The following NRXN3 variants were observed in gnomAD, a reference collection of about 807,000 sequenced individuals.
The protein encoded by NRXN3 is neurexin III.
Under a neutral mutation model 137.6 loss-of-function variants are expected in NRXN3, and 32 were observed. That is an observed-to-expected ratio of 0.23 (90% confidence interval 0.18 to 0.31). The LOEUF (loss-of-function observed/expected upper bound fraction) is 0.31, where lower values mean the gene tolerates loss of function less well. Among genes scored for constraint, NRXN3 ranks in the 10% least tolerant of loss-of-function variants. The pLI, the probability that NRXN3 is intolerant of heterozygous loss-of-function variation, is 1.00. For synonymous variants in NRXN3, 798 were observed against 784.5 expected, an observed-to-expected ratio of 1.02 and a Z score of -0.29; for missense variants, 1,574 against 2,062.5, an observed-to-expected ratio of 0.76 and a Z score of 4.59.
At chr14:79,733,755 C>T (rs144764538) in intron 19 of NRXN3, among the ~76,000 whole-genome samples, 34 of 151,620 alleles carry the variant, frequency 2.2e-4, no homozygotes, top group Non-Finnish European at 4.4e-4. Context: ...AGAGAAGACA[C>T]CACTGTATCA....
intron 4 of NRXN3, among the ~76,000 whole-genome samples, chr14:78,520,299 T>C (rs2096267882): frequency 6.6e-6 from 1 of 152,222 alleles, no homozygotes; most frequent in Admixed American, 6.5e-5. Context: ...ACAGATATTG[T>C]CAGTGAAGTC....
At chr14:79,082,449 G>A (rs1381883422) in intron 15 of NRXN3, among the ~76,000 whole-genome samples, 1 of 150,296 alleles carries the variant, frequency 6.7e-6, no homozygotes, top group Non-Finnish European at 1.5e-5. Context: ...GGTGAGGATG[G>A]CACAGGGGCT....
At chr14:79,177,400 T>G (rs988769160) in intron 15 of NRXN3, among the ~76,000 whole-genome samples, 8 of 152,178 alleles carry the variant, frequency 5.3e-5, no homozygotes, top group Non-Finnish European at 8.8e-5. Context: ...CATCAGAACT[T>G]TTATCAGCCC....
intron 15 of NRXN3, among the ~76,000 whole-genome samples, chr14:79,303,589 CT>C (rs1167965365): frequency 6.6e-6 from 1 of 151,986 alleles, no homozygotes; most frequent in Non-Finnish European, 1.5e-5. Flanking sequence ...GAAAGCCACC[CT>C]CTTGTGATCA....
chr14:78,963,969 A>G (rs2099412884), intron 11 of NRXN3, among the ~76,000 whole-genome samples: 1 of 151,700 alleles, frequency 6.6e-6, no homozygotes, highest in East Asian at 1.9e-4. Context: ...GGGTCTTGCT[A>G]TATTGCCCAG....
chr14:78,308,981 A>G (rs1377599303), intron 4 of NRXN3, among the ~76,000 whole-genome samples: 1 of 152,150 alleles, frequency 6.6e-6, no homozygotes, highest in Admixed American at 6.6e-5. Flanking sequence ...TTTGTGGTCC[A>G]GTATTTTACC....
intron 16 of NRXN3, among the ~76,000 whole-genome samples, chr14:79,504,229 T>C (rs2096851391): frequency 6.6e-6 from 1 of 152,226 alleles, no homozygotes; most frequent in South Asian, 2.1e-4. Context: ...TTCATCTCAA[T>C]GCTCCTTACT....
chr14:78,578,792 C>A (rs938105039), intron 4 of NRXN3, among the ~76,000 whole-genome samples: 1 of 152,032 alleles, frequency 6.6e-6, no homozygotes, highest in African/African-American at 2.4e-5. Context: ...GAGAAATGAA[C>A]GTGAACTAGT....
chr14:79,302,496 TC>T (rs2085312303), intron 15 of NRXN3, among the ~76,000 whole-genome samples: 1 of 151,804 alleles, frequency 6.6e-6, no homozygotes, highest in Non-Finnish European at 1.5e-5. Context: ...TTTTTAACAA[TC>T]AGATCTCATG....
chr14:78,917,073 G>T (rs2099257171), intron 10 of NRXN3, among the ~76,000 whole-genome samples: 1 of 152,128 alleles, frequency 6.6e-6, no homozygotes, highest in African/African-American at 2.4e-5. Flanking sequence ...TGTGGTATTG[G>T]GGTTTAGATT....
Position 79,127,645 on chromosome 14 carries a change from A to C in NRXN3, c.3262+139504A>C, listed in dbSNP as rs539904752. 1.5e-3 allele frequency among the ~76,000 whole-genome samples: 226 copies of C among 152,102 alleles called. 2 individuals carry two copies. The highest frequency in any genetic ancestry group is 5.3e-3 in the African/African-American group (219 of 41,528). ...GCTTTGTTCTTTTGGCTTAGGATTG[A>C]CTTGGCGATGCAGGCTCTTTTTTGG... On this transcript the variant is annotated intron_variant, in intron 15 of 20. Coordinates refer to ENST00000335750, the MANE Select transcript of NRXN3 (RefSeq NM_001330195.2).
At chr14:78,273,333 C>T (rs1049082686) in intron 2 of NRXN3, among the ~76,000 whole-genome samples, 5 of 152,186 alleles carry the variant, frequency 3.3e-5, no homozygotes, top group African/African-American at 7.2e-5. Flanking sequence ...CCTACCTCAT[C>T]GGGTTGTTGT....
At chr14:79,855,518 A>G (rs2099400656) in intron 20 of NRXN3, among the ~76,000 whole-genome samples, 1 of 152,166 alleles carries the variant, frequency 6.6e-6, no homozygotes, top group Non-Finnish European at 1.5e-5. Flanking sequence ...GCATTAAAAT[A>G]TTTTCTTTCT....
intron 10 of NRXN3, among the ~76,000 whole-genome samples, chr14:78,929,533 G>A (rs369912372): frequency 6.6e-6 from 1 of 152,132 alleles, no homozygotes; most frequent in Non-Finnish European, 1.5e-5. Context: ...TAAAGGACAC[G>A]ATCTCATTCT....
intron 4 of NRXN3, among the ~76,000 whole-genome samples, chr14:78,630,223 C>T (rs1363533528): frequency 6.6e-6 from 1 of 152,188 alleles, no homozygotes; most frequent in East Asian, 1.9e-4. Context: ...TGACTGACAA[C>T]TCAAAACGAA....
At chr14:79,424,478 T>C (rs528130358) in intron 15 of NRXN3, among the ~76,000 whole-genome samples, 1 of 152,356 alleles carries the variant, frequency 6.6e-6, no homozygotes, top group Non-Finnish European at 1.5e-5. Flanking sequence ...GGTACTTTGC[T>C]AACCAAGCTT....
intron 15 of NRXN3, among the ~76,000 whole-genome samples, chr14:79,011,429 G>GAA (rs759463585): frequency 1.2e-4 from 5 of 41,356 alleles, no homozygotes; most frequent in Admixed American, 3.5e-4. Context: ...GTTGGTCCAG[G>GAA]AAAAAAAAAA....
At chr14:78,970,997 T>G (rs1481110541) in intron 14 of NRXN3, among the ~76,000 whole-genome samples, 1 of 152,196 alleles carries the variant, frequency 6.6e-6, no homozygotes, top group Non-Finnish European at 1.5e-5. Flanking sequence ...CCTTGTTGAT[T>G]GTACACAAAT....
intron 15 of NRXN3, among the ~76,000 whole-genome samples, chr14:79,237,172 G>A (rs1025450246): frequency 8.6e-5 from 13 of 151,898 alleles, no homozygotes; most frequent in African/African-American, 3.1e-4. Flanking sequence ...TTTTGTTGCA[G>A]TAGAGGAATT....
Sources: gnomAD v4.1 joint callset for allele counts (sites outside exome capture counted in the v4.1 genomes callset) on GRCh38, gnomAD v4.1.1 for gene constraint, MANE v1.5 for transcripts, NCBI Gene and HGNC (gene_info 2026-07-23, HGNC 2026-07-21) for gene names.